The following EYS variants were observed in gnomAD, a reference collection of about 807,000 sequenced individuals.
The protein encoded by EYS is EGF-like photoreceptor maintenance factor.
A neutral mutation model predicts 282.1 loss-of-function variants in EYS; 250 were observed. That is an observed-to-expected ratio of 0.89 (90% CI 0.80 to 0.98). The LOEUF is 0.98. Ranked by LOEUF, EYS falls within the 50% of genes least tolerant of loss-of-function variation. The probability of loss-of-function intolerance (pLI) is 0.00; values close to 1 mark genes in which losing one functional copy is unlikely to be tolerated. For missense variants in EYS, 4,016 were observed against 3,709.0 expected, an observed-to-expected ratio of 1.08 and a Z score of -2.15; for synonymous variants, 1,355 against 1,282.9, an observed-to-expected ratio of 1.06 and a Z score of -1.20.
intron 35 of EYS, among the ~76,000 whole-genome samples, chr6:63,962,815 T>A (rs1354882046): frequency 6.6e-6 from 1 of 152,158 alleles, no homozygotes; most frequent in Middle Eastern, 3.2e-3. Context: ...CGCACGTATG[T>A]TTATTGTGGC....
rs982883309 is a variant in EYS, at chr6:64,317,620, G to T, written c.6079-10538C>A. ...TTCAACCATTGTGGAAGACAGTGTGGCAATTCCTCAAGGATCTAGAACTAG... is the reference window on the plus strand; with the variant it reads ...TTCAACCATTGTGGAAGACAGTGTGTCAATTCCTCAAGGATCTAGAACTAG... On this transcript the variant is annotated intron_variant, in intron 29 of 42. Coordinates refer to ENST00000503581, the MANE Select transcript of EYS (RefSeq NM_001142800.2). Among the ~76,000 whole-genome samples the T allele has an allele frequency of 2.6e-5, 4 of 152,078 alleles. No individual in the cohort carries two copies. The East Asian group carries it at 7.7e-4, about 29-fold the overall frequency.
chr6:65,188,374 G>A (rs1765561976), intron 12 of EYS, among the ~76,000 whole-genome samples: 1 of 151,628 alleles, frequency 6.6e-6, no homozygotes, highest in East Asian at 1.9e-4. Flanking sequence ...AGCATTAAAA[G>A]TGGTCTTATT....
At chr6:65,411,601 A>T (rs1284349677) in intron 5 of EYS, among the ~76,000 whole-genome samples, 1 of 151,948 alleles carries the variant, frequency 6.6e-6, no homozygotes, top group East Asian at 1.9e-4. Flanking sequence ...GATCTCTCTC[A>T]TGCTACCCCG....
chr6:64,087,411 A>G (rs149582524), intron 31 of EYS, among the ~76,000 whole-genome samples: 7 of 152,226 alleles, frequency 4.6e-5, no homozygotes, highest in African/African-American at 1.2e-4. Context: ...ATGTGCCATC[A>G]TGTTCTCTTG....
chr6:65,071,522 C>T (rs545988498), intron 12 of EYS, among the ~76,000 whole-genome samples: 1 of 151,814 alleles, frequency 6.6e-6, no homozygotes, highest in African/African-American at 2.4e-5. Flanking sequence ...AAATTTAAAA[C>T]CCATGAATGG....
intron 41 of EYS, 66 bp downstream of exon 41, chr6:63,762,395 T>A: frequency 2.8e-6 from 4 of 1,445,360 alleles, no homozygotes; most frequent in Non-Finnish European, 3.7e-6. Flanking sequence ...AAAAGAAAAC[T>A]GACTTTGAAG....
At chr6:64,923,065 A>G (rs914470550) in intron 15 of EYS, among the ~76,000 whole-genome samples, 7 of 152,032 alleles carry the variant, frequency 4.6e-5, no homozygotes, top group African/African-American at 1.7e-4. Flanking sequence ...TATGTTGAGT[A>G]AGGCCATTTG....
intron 33 of EYS, among the ~76,000 whole-genome samples, chr6:64,024,539 T>C (rs535807061): frequency 6.6e-6 from 1 of 152,204 alleles, no homozygotes; most frequent in Admixed American, 6.5e-5. Context: ...GCAACCTGTT[T>C]GGGTCCCCTT....
At chr6:64,711,308 T>A (rs1294154065) in intron 22 of EYS, among the ~76,000 whole-genome samples, 1 of 152,218 alleles carries the variant, frequency 6.6e-6, no homozygotes, top group Non-Finnish European at 1.5e-5. Context: ...TTAAGACAGT[T>A]GACACTTTCA....
intron 26 of EYS, among the ~76,000 whole-genome samples, chr6:64,507,537 A>C (rs558354101): frequency 6.6e-6 from 1 of 152,306 alleles, no homozygotes; most frequent in East Asian, 1.9e-4. Flanking sequence ...AATGAAGTGC[A>C]TTTTTATTTC....
At chr6:64,498,407 C>T (rs887814269) in intron 26 of EYS, among the ~76,000 whole-genome samples, 4 of 151,998 alleles carry the variant, frequency 2.6e-5, no homozygotes, top group Non-Finnish European at 4.4e-5. Context: ...GCCAAATAGT[C>T]GGTTTAGTAT....
At chr6:63,724,296 T>A (rs943682651) in intron 42 of EYS, among the ~76,000 whole-genome samples, 1 of 152,202 alleles carries the variant, frequency 6.6e-6, no homozygotes, top group Non-Finnish European at 1.5e-5. Flanking sequence ...TGCTTTATTA[T>A]AGATAAGAGA....
intron 1 of EYS, among the ~76,000 whole-genome samples, chr6:65,654,375 G>A (rs559366128): frequency 6.6e-6 from 1 of 151,786 alleles, no homozygotes; most frequent in African/African-American, 2.4e-5. Context: ...TGTAGGAGAG[G>A]AAAACACAAC....
chr6:65,705,022 T>C (rs891100485), intron 1 of EYS, among the ~76,000 whole-genome samples: 1 of 152,212 alleles, frequency 6.6e-6, no homozygotes, highest in African/African-American at 2.4e-5. Flanking sequence ...GGTATTTTTT[T>C]CACTTTTTTA....
intron 26 of EYS, among the ~76,000 whole-genome samples, chr6:64,540,048 G>C (rs912375040): frequency 1.3e-5 from 2 of 152,180 alleles, no homozygotes; most frequent in Non-Finnish European, 2.9e-5. Context: ...ACATATCAAA[G>C]AGCCTGTCTT....
intron 29 of EYS, among the ~76,000 whole-genome samples, chr6:64,354,098 A>G (rs1302323480): frequency 6.6e-6 from 1 of 151,586 alleles, no homozygotes; most frequent in African/African-American, 2.4e-5. Flanking sequence ...AAAACAACCA[A>G]AATTATAGAG....
intron 12 of EYS, among the ~76,000 whole-genome samples, chr6:65,076,325 A>C (rs1176321597): frequency 1.3e-5 from 2 of 152,080 alleles, no homozygotes; most frequent in Non-Finnish European, 1.5e-5. Flanking sequence ...ATATCAAATT[A>C]TAAAATATAT....
chr6:64,992,508 A>G (rs1190239107), intron 14 of EYS, among the ~76,000 whole-genome samples: 1 of 151,956 alleles, frequency 6.6e-6, no homozygotes, highest in African/African-American at 2.4e-5. Context: ...ATATTAATAT[A>G]AAATATATCC....
At chr6:64,414,611 T>C (rs1052939078) in intron 28 of EYS, among the ~76,000 whole-genome samples, 10 of 152,058 alleles carry the variant, frequency 6.6e-5, no homozygotes, top group Non-Finnish European at 1.2e-4. Flanking sequence ...CATAATAAAA[T>C]TATGCAAATA....
Sources: allele counts gnomAD v4.1 joint callset (sites outside exome capture counted in the v4.1 genomes callset), GRCh38; gene constraint gnomAD v4.1.1; transcripts MANE v1.5; gene names NCBI Gene and HGNC (gene_info 2026-07-23, HGNC 2026-07-21).